TTC3: variants seen among roughly 807,000 people sequenced by gnomAD.
The protein encoded by TTC3 is tetratricopeptide repeat domain 3.
Under a neutral mutation model 249.6 loss-of-function variants are expected in TTC3, and 180 were observed. That is an observed-to-expected ratio of 0.72 (90% CI 0.64 to 0.82). The LOEUF is 0.82. TTC3 is among the 40% of genes least tolerant of loss of function. The pLI, the probability that TTC3 is intolerant of heterozygous loss-of-function variation, is 0.00. For synonymous variants in TTC3, 717 were observed against 805.0 expected, an observed-to-expected ratio of 0.89 and a Z score of 1.85; for missense variants, 2,061 against 2,398.4, an observed-to-expected ratio of 0.86 and a Z score of 2.94.
rs201611078 is a variant in TTC3 at position 37,088,807 on chromosome 21, G to A, written c.347G>A (p.Arg116His). ...ATAAATTTGTCTTTAAGCAATTCAC[G>A]TGCTTCTGAGATAAATTTGAAGAAA... The change falls in exon 5 of 46, where the codon CGT becomes CAT. Residue 116 changes from arginine to histidine, a missense_variant. Around this residue, in one of 3 missense-constraint regions of TTC3, gnomAD observed 989 missense variants for 1,145.1 expected, o/e 0.86. Transcript: ENST00000355666. The A allele has an allele frequency of 6.8e-6, 11 of 1,611,946 alleles. No homozygotes were observed. In the East Asian group the frequency reaches 1.3e-4, roughly 20 times the overall value.
At chr21:37,133,279 T>C (rs1302840426) in intron 17 of TTC3, among the ~76,000 whole-genome samples, 2 of 152,178 alleles carry the variant, frequency 1.3e-5, no homozygotes, top group African/African-American at 2.4e-5. Flanking sequence ...AAATTCTTTT[T>C]ACGTTACTTC....
rs202180774 is a variant in TTC3 at position 37,088,912 on chromosome 21, C to T, written c.426+26C>T. On this transcript the variant is annotated intron_variant, in intron 5 of 45. Transcript: ENST00000355666. ...GTAAGTGGTAGAATGTAGGTTCCCC[C>T]GAGCCCTTGGTTTAAATAATATAAG... 99 of 1,598,498 alleles carry T rather than the reference C, an allele frequency of 6.2e-5. No homozygotes were observed. The South Asian group carries it at 7.8e-4, about 13-fold the overall frequency.
At chr21:37,184,244 A>G (rs559625303) in intron 36 of TTC3, among the ~76,000 whole-genome samples, 3 of 152,328 alleles carry the variant, frequency 2.0e-5, no homozygotes, top group East Asian at 3.9e-4. Flanking sequence ...TATATTTAAC[A>G]TACTTTTTTT....
At chr21:37,145,792 G>C (rs1185219436) in intron 21 of TTC3, among the ~76,000 whole-genome samples, 2 of 152,134 alleles carry the variant, frequency 1.3e-5, no homozygotes, top group Admixed American at 1.3e-4. Context: ...TGAGAGACAG[G>C]GAAGTGCCAG....
At position 37,154,694 on chromosome 21, in the gene TTC3, G is replaced by T. The variant is rs570988174; in HGVS notation, c.2740+1417G>T. ...TTGATATAAACCATGTGTTTTTTTT[G>T]TTTGTTTGTTTGTTTTTTTGAGACA... On this transcript the variant is annotated intron_variant, in intron 27 of 45. Coordinates refer to ENST00000355666, the Ensembl canonical transcript of TTC3. Among the ~76,000 whole-genome samples the T allele has an allele frequency of 3.2e-3, 485 of 150,174 alleles. 2 individuals are homozygous for T. Among genetic ancestry groups the T allele is most frequent in the African/African-American group, 0.011 (431 of 39,796 alleles).
intron 10 of TTC3, chr21:37,101,214 A>C (rs980368838): frequency 6.6e-6 from 1 of 152,250 alleles, no homozygotes; most frequent in African/African-American, 2.4e-5. Flanking sequence ...ACTGCCTTCC[A>C]TCAGATCCCA....
intron 35 of TTC3, 42 bp downstream of exon 35, chr21:37,172,786 G>C: frequency 6.2e-7 from 1 of 1,606,592 alleles, no homozygotes; most frequent in Non-Finnish European, 8.5e-7. Flanking sequence ...ATGTAGCATA[G>C]TTAGGAGAAT....
chr21:37,091,465 G>A lies in TTC3; in HGVS notation c.601+52G>A, dbSNP rs572697730. The stretch of plus-strand genomic sequence containing the variant: ...CTTGACTCAGTTTTTAAAGGTGTTT[G>A]GGAAAATGAGATATGTAGTTAAGTG... On this transcript the variant is annotated intron_variant, in intron 7 of 45. Coordinates refer to ENST00000355666, the Ensembl canonical transcript of TTC3. 1.3e-5 allele frequency: 20 copies of A among 1,517,426 alleles called. No individual in the cohort carries two copies. The East Asian group carries it at 4.1e-4, about 31-fold the overall frequency. The allele number at this position is 1,517,426 out of a possible 1,614,324, so 94.0% of individuals were successfully genotyped here.
intron 1 of TTC3, 83 bp downstream of exon 1, chr21:37,073,556 A>AG: frequency 1.0e-6 from 1 of 957,376 alleles, no homozygotes; most frequent in Non-Finnish European, 1.2e-6. Context: ...CCGCGCGATG[A>AG]GGGGGTGTGG....
intron 1 of TTC3, among the ~76,000 whole-genome samples, chr21:37,078,081 G>C (rs2071150332): frequency 6.6e-6 from 1 of 151,622 alleles, no homozygotes; most frequent in Non-Finnish European, 1.5e-5. Flanking sequence ...AATTATCCCT[G>C]TACCATGTAT....
At chr21:37,100,150 G>T (rs1354583068) in intron 10 of TTC3, among the ~76,000 whole-genome samples, 1 of 152,072 alleles carries the variant, frequency 6.6e-6, no homozygotes, top group African/African-American at 2.4e-5. Flanking sequence ...AGTTGGGAGG[G>T]GTGGTACACG....
intron 10 of TTC3, chr21:37,096,884 G>C: frequency 2.9e-6 from 1 of 346,424 alleles, no homozygotes; most frequent in East Asian, 4.8e-5. Context: ...TATGTTATTT[G>C]GTTCTCACAG....
intron 42 of TTC3, among the ~76,000 whole-genome samples, chr21:37,197,248 A>G (rs762483771): frequency 4.6e-5 from 7 of 152,188 alleles, no homozygotes; most frequent in Admixed American, 6.5e-5. Flanking sequence ...GTTCGGGACC[A>G]GCCTGACCAA....
intron 27 of TTC3, among the ~76,000 whole-genome samples, chr21:37,155,645 C>T (rs1042017905): frequency 5.3e-5 from 8 of 152,116 alleles, no homozygotes; most frequent in Admixed American, 3.9e-4. Flanking sequence ...AAGAAGTGAC[C>T]GTTTTATATT....
At chr21:37,183,930 G>C (rs75958862) in intron 36 of TTC3, among the ~76,000 whole-genome samples, 185 of 152,236 alleles carry the variant, frequency 1.2e-3, no homozygotes, top group Non-Finnish European at 2.2e-3. Flanking sequence ...GGGTTCACTG[G>C]GGGGCCACGC....
At chr21:37,089,121 A>G (rs1329633002) in intron 5 of TTC3, among the ~76,000 whole-genome samples, 1 of 152,288 alleles carries the variant, frequency 6.6e-6, no homozygotes, top group East Asian at 1.9e-4. Flanking sequence ...TCATTAAAGG[A>G]TAGAAATTGG....
Position 37,091,433 on chromosome 21 carries a change from A to G in TTC3, c.601+20A>G, listed in dbSNP as rs758230852. ...CTGAATGTAAGTATAAATGCTTTAA[A>G]TTGTTACTTGACTCAGTTTTTAAAG... On this transcript the variant is annotated intron_variant, in intron 7 of 45. Coordinates refer to ENST00000355666, the Ensembl canonical transcript of TTC3. The G allele has an allele frequency of 1.3e-6, 2 of 1,586,756 alleles. No individual in the cohort carries two copies. The highest frequency in any genetic ancestry group is 1.2e-5 in the South Asian group (1 of 85,968).
chr21:37,095,559 G>T, intron 9 of TTC3, 115 bp downstream of exon 9: 1 of 666,206 alleles, frequency 1.5e-6, no homozygotes, highest in Admixed American at 3.5e-5. Context: ...AACTTGTGCA[G>T]AATAGATTTT....
intron 11 of TTC3, among the ~76,000 whole-genome samples, chr21:37,117,950 T>A (rs577168313): frequency 5.9e-5 from 9 of 152,108 alleles, no homozygotes; most frequent in South Asian, 2.1e-4. Context: ...CTTTTTTTTT[T>A]AAATTGGAAT....
Sources: allele counts gnomAD v4.1 joint callset (sites outside exome capture counted in the v4.1 genomes callset), GRCh38; gene constraint gnomAD v4.1.1; regional missense constraint gnomAD v4.1.1; transcripts MANE v1.5; gene names NCBI Gene and HGNC (gene_info 2026-07-23, HGNC 2026-07-21).